Variants in MYO1D observed in about 807,000 individuals in gnomAD.
MYO1D encodes the protein unconventional myosin-Id.
Under a neutral mutation model 122.0 loss-of-function variants are expected in MYO1D, and 83 were observed. The ratio of observed to expected loss-of-function variants is 0.68; its 90% CI spans 0.57 to 0.82. The LOEUF is 0.82. Among genes scored for constraint, MYO1D ranks in the 40% least tolerant of loss-of-function variants. The pLI is 0.00. For missense variants in MYO1D, 1,157 were observed against 1,269.5 expected (o/e 0.91, Z 1.35); for synonymous variants, 464 against 446.9 (o/e 1.04, Z -0.48).
At chr17:32,561,648 C>T (rs1378714678) in intron 21 of MYO1D, among the ~76,000 whole-genome samples, 1 of 148,686 alleles carries the variant, frequency 6.7e-6, no homozygotes, top group Non-Finnish European at 1.5e-5. Context: ...CGAGATCCCG[C>T]CACTGCACTC....
At chr17:32,641,179 TG>T (rs1417876358) in intron 19 of MYO1D, among the ~76,000 whole-genome samples, 2 of 148,778 alleles carry the variant, frequency 1.3e-5, no homozygotes, top group Non-Finnish European at 3.0e-5. Context: ...AGTGAGAACA[TG>T]TGGTGTTTGC....
intron 21 of MYO1D, among the ~76,000 whole-genome samples, chr17:32,593,168 A>G (rs1348700097): frequency 6.6e-6 from 1 of 152,208 alleles, no homozygotes. Flanking sequence ...TTAGGACAAT[A>G]GCCCAGAGAA....
At chr17:32,772,995 G>A (rs1268604400) in intron 4 of MYO1D, among the ~76,000 whole-genome samples, 153 bp from the exon 5 acceptor site, 1 of 152,220 alleles carries the variant, frequency 6.6e-6, no homozygotes, top group Non-Finnish European at 1.5e-5. Context: ...CATAAGAAGT[G>A]AAAATGGCAG....
chr17:32,554,972 A>C (rs1303668371), intron 21 of MYO1D, among the ~76,000 whole-genome samples: 1 of 152,180 alleles, frequency 6.6e-6, no homozygotes, highest in Non-Finnish European at 1.5e-5. Flanking sequence ...TTAGGAAGCT[A>C]ATCTAGAAAA....
chr17:32,518,257 G>A (rs1909969584), intron 21 of MYO1D: 1 of 171,894 alleles, frequency 5.8e-6, no homozygotes, highest in Non-Finnish European at 1.3e-5. Context: ...TGATGCATAA[G>A]CCAGGTCTTG....
chr17:32,661,731 T>G (rs1333668210), intron 16 of MYO1D, among the ~76,000 whole-genome samples: 3 of 152,082 alleles, frequency 2.0e-5, no homozygotes, highest in Non-Finnish European at 4.4e-5. Flanking sequence ...ACTATCCAAA[T>G]CACACAAGAT....
At position 32,721,195 on chromosome 17, in the gene MYO1D, G is replaced by T; in HGVS notation, c.1747-6C>A. ...CAACGAACGTAATATGGTTCCTAAA[G>T]AAATAAATCAGCAAATGGTAAGTTT... On this transcript the variant is annotated splice_polypyrimidine_tract_variant and splice_region_variant and intron_variant, in intron 14 of 21. Coordinates refer to ENST00000318217, the MANE Select transcript of MYO1D (RefSeq NM_015194.3). 1 of 1,610,570 alleles carries T rather than the reference G, an allele frequency of 6.2e-7. No individual in the cohort carries two copies. Among genetic ancestry groups the T allele is most frequent in the Middle Eastern group, 1.7e-4 (1 of 6,032 alleles).
intron 1 of MYO1D, among the ~76,000 whole-genome samples, chr17:32,788,109 T>C (rs1598099788): frequency 6.6e-6 from 1 of 152,326 alleles, no homozygotes; most frequent in East Asian, 1.9e-4. Context: ...TTTGGGTAGA[T>C]ACCCAGTAGT....
intron 1 of MYO1D, among the ~76,000 whole-genome samples, chr17:32,868,688 T>C (rs2091151459): frequency 1.3e-5 from 2 of 152,144 alleles, no homozygotes; most frequent in Admixed American, 1.3e-4. Context: ...TTGCTGAACA[T>C]GTGATTTCAT....
chr17:32,506,227 C>T (rs17806357), intron 21 of MYO1D, among the ~76,000 whole-genome samples: 6,066 of 152,212 alleles, frequency 0.04, 166 homozygotes, highest in Non-Finnish European at 0.061. Context: ...AAACAGGTCA[C>T]CATATAAGCA....
In MYO1D at chr17:32,738,317, G is replaced by A. The variant is rs975069135; in HGVS notation, c.1682C>T (p.Pro561Leu). The A allele has an allele frequency of 6.2e-7, 1 of 1,610,774 alleles. No homozygotes were observed. Among genetic ancestry groups the A allele is most frequent in the Non-Finnish European group, 8.5e-7 (1 of 1,178,448 alleles). Residue 561 changes from proline (P) to leucine (L), a missense_variant, in exon 14 of 22, where the codon CCT (proline) becomes CTT (leucine). Pro to Leu is a moderately conservative substitution (Grantham distance 98, BLOSUM62 -3). Coordinates refer to ENST00000318217, the MANE Select transcript of MYO1D (RefSeq NM_015194.3). The stretch of plus-strand genomic sequence containing the variant: ...CTTAAACAAGGTAGCAGCAGTCAGA[G>A]GTCGCTTGGTCACCTCTGTAATGCT... ...KLSITEVTKR[P>L]LTAATLFKNS... is the part of the protein sequence containing the mutation.
chr17:32,688,343 C>T (rs1223077700), intron 16 of MYO1D, among the ~76,000 whole-genome samples: 8 of 152,164 alleles, frequency 5.3e-5, no homozygotes, highest in Admixed American at 5.2e-4. Flanking sequence ...GTTTTACAGA[C>T]AAATGAAGTG....
At chr17:32,591,450 C>T (rs2087437910) in intron 21 of MYO1D, among the ~76,000 whole-genome samples, 1 of 152,156 alleles carries the variant, frequency 6.6e-6, no homozygotes, top group Admixed American at 6.5e-5. Flanking sequence ...TGACAGGCGG[C>T]TCTTTCTAGG....
At chr17:32,777,214 A>G (rs1341286183) in intron 3 of MYO1D, among the ~76,000 whole-genome samples, 1 of 152,206 alleles carries the variant, frequency 6.6e-6, no homozygotes, top group East Asian at 1.9e-4. Flanking sequence ...CAGAGTAAGA[A>G]GGAGGGATAT....
chr17:32,797,497 A>G (rs574759543), intron 1 of MYO1D, among the ~76,000 whole-genome samples: 1 of 152,340 alleles, frequency 6.6e-6, no homozygotes, highest in African/African-American at 2.4e-5. Context: ...AAACATGAAG[A>G]TATTTCGAGA....
At chr17:32,676,229 T>C (rs977249431) in intron 16 of MYO1D, among the ~76,000 whole-genome samples, 9 of 152,184 alleles carry the variant, frequency 5.9e-5, no homozygotes, top group Non-Finnish European at 1.3e-4. Flanking sequence ...TATAAATAGT[T>C]TAAAAGAATT....
At chr17:32,596,058 G>A (rs1455327106) in intron 21 of MYO1D, among the ~76,000 whole-genome samples, 1 of 152,316 alleles carries the variant, frequency 6.6e-6, no homozygotes, top group East Asian at 1.9e-4. Flanking sequence ...TTGGAAGGCA[G>A]AGGAAAGTGA....
At position 32,721,044 on chromosome 17, in the gene MYO1D, G is replaced by A. The variant is rs777953260; in HGVS notation, c.1892C>T (p.Thr631Ile). The A allele has an allele frequency of 6.2e-7, 1 of 1,614,034 alleles. No individual in the cohort carries two copies. Among genetic ancestry groups the A allele is most frequent in the Admixed American group, 1.7e-5 (1 of 60,002 alleles). The change falls in exon 15 of 22, where the codon ACA becomes ATA. Residue 631 changes from threonine (T) to isoleucine (I), a missense_variant. By Grantham distance (89) the Thr-to-Ile change is moderately conservative (BLOSUM62 -1). Transcript: ENST00000318217. The stretch of plus-strand genomic sequence containing the variant: ...TCACCTGTGAAGAAACTTCTCGTAT[G>A]TCTGGCGGAAGGCAAATCCTGCCCG... Reference protein sequence around the residue: ...VRRAGFAFRQTYEKFLHRYKM... With the variant: ...VRRAGFAFRQIYEKFLHRYKM...
At chr17:32,623,788 G>A (rs1388736684) in intron 20 of MYO1D, among the ~76,000 whole-genome samples, 1 of 152,114 alleles carries the variant, frequency 6.6e-6, no homozygotes, top group Non-Finnish European at 1.5e-5. Context: ...GAGGGTGCTG[G>A]TGGCCCTCGT....
Sources: gnomAD v4.1 joint callset for allele counts (sites outside exome capture counted in the v4.1 genomes callset) on GRCh38, gnomAD v4.1.1 for gene constraint, MANE v1.5 for transcripts, NCBI Gene and HGNC (gene_info 2026-07-23, HGNC 2026-07-21) for gene names.